Variants in NOX4 observed in about 807,000 individuals in gnomAD.
NOX4 encodes NADPH oxidase 4.
Under a neutral mutation model 87.6 loss-of-function variants are expected in NOX4, and 69 were observed. That is an observed-to-expected ratio of 0.79 (90% CI 0.65 to 0.96). The LOEUF (loss-of-function observed/expected upper bound fraction) is 0.96. NOX4 is among the 40% of genes least tolerant of loss of function. NOX4 has a pLI of 0.00. For synonymous variants in NOX4, 275 were observed against 238.2 expected (o/e 1.15, Z -1.42); for missense variants, 680 against 681.5 (o/e 1.00, Z 0.02).
intron 2 of NOX4, chr11:89,488,887 A>G (rs1379108240): frequency 1.5e-6 from 1 of 647,838 alleles, no homozygotes; most frequent in Non-Finnish European, 2.8e-6. Context: ...TTGAATTATA[A>G]TTATTTATTT....
intron 15 of NOX4, among the ~76,000 whole-genome samples, chr11:89,338,201 G>A (rs1945808047): frequency 6.6e-6 from 1 of 152,078 alleles, no homozygotes; most frequent in African/African-American, 2.4e-5. Flanking sequence ...TCCTGCCTCT[G>A]CAAATGAAAC....
the NOX4 span, among the ~76,000 whole-genome samples, chr11:89,582,036 C>T: frequency 1.3e-5 from 2 of 152,132 alleles, no homozygotes; most frequent in Admixed American, 1.3e-4. Flanking sequence ...TTCTCCCTCC[C>T]TCCAGCTCCT....
At chr11:89,573,200 C>A in the NOX4 span, among the ~76,000 whole-genome samples, 2 of 152,078 alleles carry the variant, frequency 1.3e-5, no homozygotes, top group African/African-American at 4.8e-5. Flanking sequence ...TTTAAATTTA[C>A]CTGCATATTT....
the NOX4 span, among the ~76,000 whole-genome samples, chr11:89,538,238 G>A: frequency 2.0e-5 from 3 of 152,136 alleles, no homozygotes; most frequent in Non-Finnish European, 4.4e-5. Flanking sequence ...CAGCCTACAT[G>A]TAGTTGTTTA....
At chr11:89,353,444 A>G (rs1412923238) in intron 13 of NOX4, among the ~76,000 whole-genome samples, 1 of 152,178 alleles carries the variant, frequency 6.6e-6, no homozygotes, top group African/African-American at 2.4e-5. Context: ...GAAGGCTTAG[A>G]TGATTGTTAG....
At chr11:89,497,194 A>G (rs920231145), upstream of NOX4, among the ~76,000 whole-genome samples, 45 of 152,266 alleles carry the variant, frequency 3.0e-4, no homozygotes, top group African/African-American at 1.1e-3. Flanking sequence ...TGTTGTGTCT[A>G]TTGTTTATGA....
At chr11:89,488,797 C>A in intron 2 of NOX4, 1 of 511,228 alleles carries the variant, frequency 2.0e-6, no homozygotes, top group South Asian at 3.4e-5. Context: ...TAAGTTACAC[C>A]TAATGGGGAA....
At chr11:89,440,274 T>C (rs1944399483) in intron 6 of NOX4, among the ~76,000 whole-genome samples, 1 of 152,184 alleles carries the variant, frequency 6.6e-6, no homozygotes. Context: ...GTAACATATA[T>C]CTAATTGTTG....
intron 15 of NOX4, among the ~76,000 whole-genome samples, chr11:89,339,645 TGCAGTATTAAAGATG>T (rs1468196180): frequency 6.6e-6 from 1 of 152,138 alleles, no homozygotes; most frequent in African/African-American, 2.4e-5. Flanking sequence ...TCTGGTGATT[TGCAGTATTAAAGATG>T]GCAATCAAGG....
At position 89,370,232 on chromosome 11, in the gene NOX4, G is replaced by A. The variant is rs1199667568; in HGVS notation, c.1135+3200C>T. ...AGAAAACTTTTCCAGTAGACAACAT[G>A]GGAATTTATACCCAAGATTCATAGA... On this transcript the variant is annotated intron_variant, in intron 12 of 17. Transcript: ENST00000263317. Among the ~76,000 whole-genome samples the A allele has an allele frequency of 2.0e-5, 3 of 151,872 alleles. No homozygotes were observed. In the East Asian group the frequency reaches 5.8e-4, roughly 29 times the overall value.
At chr11:89,453,554 A>C (rs1032989111) in intron 2 of NOX4, among the ~76,000 whole-genome samples, 1 of 152,220 alleles carries the variant, frequency 6.6e-6, no homozygotes, top group African/African-American at 2.4e-5. Context: ...TGAAGAACAT[A>C]ACGGAATAAA....
At chr11:89,500,793 A>G (rs1439625772), upstream of NOX4, among the ~76,000 whole-genome samples, 3 of 152,118 alleles carry the variant, frequency 2.0e-5, no homozygotes, top group African/African-American at 7.2e-5. Flanking sequence ...ACCCACTTAT[A>G]TGGTTCACTT....
intron 17 of NOX4, among the ~76,000 whole-genome samples, chr11:89,331,875 T>A (rs1342478187): frequency 6.6e-6 from 1 of 151,918 alleles, no homozygotes; most frequent in Non-Finnish European, 1.5e-5. Context: ...GAGGATTCCC[T>A]AATGTCACTC....
At chr11:89,454,842 T>C (rs1945117983) in intron 2 of NOX4, among the ~76,000 whole-genome samples, 1 of 152,122 alleles carries the variant, frequency 6.6e-6, no homozygotes, top group Admixed American at 6.5e-5. Flanking sequence ...CCTTGTAAAG[T>C]AAGAACTATT....
intron 8 of NOX4, among the ~76,000 whole-genome samples, chr11:89,405,737 C>G (rs888420894): frequency 7.2e-6 from 1 of 138,010 alleles, no homozygotes; most frequent in Non-Finnish European, 1.5e-5. Context: ...GAAAGGCCAC[C>G]TACTGGTTAA....
chr11:89,560,425 T>C, the NOX4 span, among the ~76,000 whole-genome samples: 1 of 152,106 alleles, frequency 6.6e-6, no homozygotes, highest in Non-Finnish European at 1.5e-5. Flanking sequence ...TTTATGTCTG[T>C]AGTTTTGTGG....
At chr11:89,582,803 G>A in the NOX4 span, among the ~76,000 whole-genome samples, 1 of 152,110 alleles carries the variant, frequency 6.6e-6, no homozygotes, top group Non-Finnish European at 1.5e-5. Context: ...TGCTGCTGTT[G>A]GAATTTGTCT....
intron 13 of NOX4, among the ~76,000 whole-genome samples, chr11:89,347,029 C>T (rs959740522): frequency 2.0e-5 from 3 of 152,130 alleles, no homozygotes; most frequent in Non-Finnish European, 4.4e-5. Context: ...GATCTCTTGC[C>T]ATCCAGGTAT....
chr11:89,430,982 G>T (rs1447045270), intron 7 of NOX4, among the ~76,000 whole-genome samples: 1 of 152,188 alleles, frequency 6.6e-6, no homozygotes, highest in African/African-American at 2.4e-5. Flanking sequence ...AACCAAAGCA[G>T]CATGGTACTG....
Sources: allele counts gnomAD v4.1 joint callset (sites outside exome capture counted in the v4.1 genomes callset), GRCh38; gene constraint gnomAD v4.1.1; transcripts MANE v1.5; gene names NCBI Gene and HGNC (gene_info 2026-07-23, HGNC 2026-07-21).